The following ENTREP1 variants were observed in gnomAD, a reference collection of about 807,000 sequenced individuals.
ENTREP1 encodes the protein Friedreich ataxia region gene X123.
At chr9:69,356,885 T>G in the ENTREP1 span, among the ~76,000 whole-genome samples, 1,371 of 152,138 alleles carry the variant, frequency 9.0e-3, 17 homozygotes, top group African/African-American at 0.031. Context: ...AATGCCCAAC[T>G]TGAGTTGAGG....
At chr9:69,352,421 G>A in the ENTREP1 span, among the ~76,000 whole-genome samples, 4,735 of 152,224 alleles carry the variant, frequency 0.031, 218 homozygotes, top group African/African-American at 0.1. Flanking sequence ...ACCCAGCCAT[G>A]TTGTTAGATT....
the ENTREP1 span, among the ~76,000 whole-genome samples, chr9:69,339,182 G>A: frequency 0.014 from 2,198 of 152,162 alleles, 21 homozygotes; most frequent in Non-Finnish European, 0.022. Flanking sequence ...ACCACACCCA[G>A]CTAATATTTA....
At chr9:69,381,025 C>G in the ENTREP1 span, 1 of 152,260 alleles carries the variant, frequency 6.6e-6, no homozygotes, top group Non-Finnish European at 1.5e-5. Context: ...GTACAGTTTT[C>G]CAGTACAGGA....
the ENTREP1 span, among the ~76,000 whole-genome samples, chr9:69,360,894 A>G: frequency 1.6e-5 from 1 of 62,116 alleles, no homozygotes. Flanking sequence ...TTGCATGTAA[A>G]TTGCAAAAAA....
the ENTREP1 span, among the ~76,000 whole-genome samples, chr9:69,348,476 A>G: frequency 0.021 from 3,206 of 152,290 alleles, 48 homozygotes; most frequent in Middle Eastern, 0.068. Context: ...TCACACATTT[A>G]AAGTATACAA....
chr9:69,361,924 C>T, the ENTREP1 span, among the ~76,000 whole-genome samples: 3 of 152,122 alleles, frequency 2.0e-5, no homozygotes, highest in African/African-American at 7.2e-5. Flanking sequence ...TTGCTGTTCT[C>T]ATGTTCTCTC....
chr9:69,345,364 G>C, the ENTREP1 span, among the ~76,000 whole-genome samples: 3 of 152,322 alleles, frequency 2.0e-5, no homozygotes, highest in South Asian at 6.2e-4. Flanking sequence ...ATTTGGGTCA[G>C]ACCCAGATTT....
the ENTREP1 span, chr9:69,388,437 G>A: frequency 6.3e-7 from 1 of 1,599,004 alleles, no homozygotes; most frequent in African/African-American, 1.3e-5. Flanking sequence ...ACAAGTGCCA[G>A]TTTTCTAGAA....
chr9:69,365,496 GA>G, the ENTREP1 span, among the ~76,000 whole-genome samples: 41 of 152,202 alleles, frequency 2.7e-4, no homozygotes, highest in African/African-American at 9.9e-4. Context: ...CCCTCACCTT[GA>G]GTGTTTATCA....
the ENTREP1 span, among the ~76,000 whole-genome samples, chr9:69,336,858 C>T: frequency 6.6e-6 from 1 of 151,706 alleles, no homozygotes; most frequent in African/African-American, 2.4e-5. Context: ...GCCACTGCGC[C>T]CAGCTAATTT....
chr9:69,337,816 TTTTA>T, the ENTREP1 span, among the ~76,000 whole-genome samples: 2 of 152,316 alleles, frequency 1.3e-5, no homozygotes, highest in African/African-American at 4.8e-5. Context: ...TATCTCTTAT[TTTTA>T]TTTGTCTCAT....
At chr9:69,335,370 G>T in the ENTREP1 span, among the ~76,000 whole-genome samples, 2 of 152,174 alleles carry the variant, frequency 1.3e-5, no homozygotes, top group African/African-American at 4.8e-5. Context: ...TCTCAGGGCA[G>T]GTGACTGCTA....
At chr9:69,377,747 A>G in the ENTREP1 span, 2 of 1,609,026 alleles carry the variant, frequency 1.2e-6, no homozygotes, top group East Asian at 2.2e-5. Flanking sequence ...AACCGCAGGT[A>G]TCGTTCCTGA....
the ENTREP1 span, among the ~76,000 whole-genome samples, chr9:69,358,909 T>C: frequency 2.1e-5 from 3 of 144,388 alleles, no homozygotes; most frequent in Middle Eastern, 3.5e-3. Flanking sequence ...TTTCTTTTTT[T>C]TTTTTTTTTT....
At chr9:69,382,172 G>A in the ENTREP1 span, 1 of 152,284 alleles carries the variant, frequency 6.6e-6, no homozygotes, top group Non-Finnish European at 1.5e-5. Context: ...GAGGATAGAA[G>A]TCCATAGGTC....
chr9:69,325,804 G>C, the ENTREP1 span: 1 of 1,209,916 alleles, frequency 8.3e-7, no homozygotes, highest in East Asian at 3.3e-5. Flanking sequence ...TTGCCCCTTT[G>C]TTGGCCTCCA....
chr9:69,351,303 T>C, the ENTREP1 span, among the ~76,000 whole-genome samples: 1 of 152,232 alleles, frequency 6.6e-6, no homozygotes, highest in Admixed American at 6.5e-5. Context: ...GAGTCTTTTC[T>C]CCTTCATCCT....
chr9:69,346,687 G>A, the ENTREP1 span, among the ~76,000 whole-genome samples: 1 of 152,088 alleles, frequency 6.6e-6, no homozygotes, highest in African/African-American at 2.4e-5. Flanking sequence ...ACCGCTAATG[G>A]CATTTATTAG....
the ENTREP1 span, among the ~76,000 whole-genome samples, chr9:69,356,648 G>T: frequency 2.0e-4 from 31 of 152,180 alleles, no homozygotes; most frequent in Non-Finnish European, 8.8e-5. Context: ...CCATGGATAT[G>T]CAACTTTGTT....
Sources: allele counts gnomAD v4.1 joint callset (sites outside exome capture counted in the v4.1 genomes callset), GRCh38; gene constraint gnomAD v4.1.1; transcripts MANE v1.5; gene names NCBI Gene and HGNC (gene_info 2026-07-23, HGNC 2026-07-21).